The following HAPLN1 variants were observed in gnomAD, a reference collection of about 807,000 sequenced individuals.
HAPLN1 encodes the protein Cartilage link protein.
Under a neutral mutation model 36.5 loss-of-function variants are expected in HAPLN1, and 13 were observed. The observed-to-expected ratio is 0.36, with a 90% CI of 0.23 to 0.57. The LOEUF is 0.57. Among genes scored for constraint, HAPLN1 ranks in the 20% least tolerant of loss-of-function variants. The pLI is 0.83. For synonymous variants in HAPLN1, 202 were observed against 169.8 expected, an observed-to-expected ratio of 1.19 and a Z score of -1.48; for missense variants, 407 against 439.7, an observed-to-expected ratio of 0.93 and a Z score of 0.66.
intron 4 of HAPLN1, 44 bp downstream of exon 4, chr5:83,644,319 T>C (rs1442191117): frequency 1.5e-6 from 2 of 1,374,308 alleles, no homozygotes; most frequent in East Asian, 2.6e-5. Flanking sequence ...TAGTATGGAA[T>C]AGTCTGTGAG....
At chr5:83,641,851 G>C in intron 4 of HAPLN1, 66 bp from the exon 5 acceptor site, 1 of 1,489,514 alleles carries the variant, frequency 6.7e-7, no homozygotes, top group Non-Finnish European at 9.1e-7. Context: ...GATAGAAAGA[G>C]CCAAAAACGG....
intron 1 of HAPLN1, among the ~76,000 whole-genome samples, chr5:83,700,068 C>T (rs1256338682): frequency 2.6e-5 from 4 of 151,908 alleles, no homozygotes; most frequent in Admixed American, 2.0e-4. Flanking sequence ...GTGGCTCATG[C>T]CTGTAGTCCC....
intron 1 of HAPLN1, among the ~76,000 whole-genome samples, chr5:83,688,938 G>A (rs544882864): frequency 1.3e-5 from 2 of 152,180 alleles, no homozygotes; most frequent in African/African-American, 2.4e-5. Context: ...TATTTGATGA[G>A]GCTGAGCAGA....
chr5:83,679,639 G>A (rs965165470), intron 1 of HAPLN1, among the ~76,000 whole-genome samples: 5 of 152,154 alleles, frequency 3.3e-5, no homozygotes, highest in African/African-American at 1.2e-4. Flanking sequence ...CAGGCACAGA[G>A]TAAGCAGGAT....
At chr5:83,645,214 T>C (rs1749820985) in intron 3 of HAPLN1, among the ~76,000 whole-genome samples, 1 of 152,228 alleles carries the variant, frequency 6.6e-6, no homozygotes, top group South Asian at 2.1e-4. Flanking sequence ...ATGTAGTCTT[T>C]TAAATGTATA....
At position 83,700,440 on chromosome 5, in the gene HAPLN1, A is replaced by G. The variant is rs542098629; in HGVS notation, c.-27+20349T>C. ...TAGAATATTATTATGCAGAAGTCACATACTGTTCACCTCTCATCCTCACCA... is the reference window on the plus strand; with the variant it reads ...TAGAATATTATTATGCAGAAGTCACGTACTGTTCACCTCTCATCCTCACCA... On this transcript the variant is annotated intron_variant, in intron 1 of 4. Transcript: ENST00000274341. Among the ~76,000 whole-genome samples, 6 of 152,262 alleles carry G rather than the reference A, an allele frequency of 3.9e-5. No individual in the cohort carries two copies. The South Asian group carries it at 1.2e-3, about 32-fold the overall frequency.
chr5:83,642,044 C>T (rs1749718455), intron 4 of HAPLN1, among the ~76,000 whole-genome samples: 1 of 152,138 alleles, frequency 6.6e-6, no homozygotes, highest in Non-Finnish European at 1.5e-5. Flanking sequence ...ATGGCAGATG[C>T]AGTTTCTGTT....
intron 2 of HAPLN1, among the ~76,000 whole-genome samples, chr5:83,669,652 A>G (rs1750649093): frequency 6.6e-6 from 1 of 152,226 alleles, no homozygotes; most frequent in Non-Finnish European, 1.5e-5. Flanking sequence ...TACTTTGAAA[A>G]GCATGAATTT....
chr5:83,683,581 A>G (rs1446772801), intron 1 of HAPLN1, among the ~76,000 whole-genome samples: 1 of 152,118 alleles, frequency 6.6e-6, no homozygotes, highest in African/African-American at 2.4e-5. Flanking sequence ...AATCTCTTAT[A>G]CCTCGTTAAC....
At chr5:83,648,790 A>C (rs1406983041) in intron 3 of HAPLN1, among the ~76,000 whole-genome samples, 4 of 152,058 alleles carry the variant, frequency 2.6e-5, no homozygotes, top group Non-Finnish European at 5.9e-5. Context: ...TTGATAATGA[A>C]AAAGGTTAAA....
intron 2 of HAPLN1, among the ~76,000 whole-genome samples, chr5:83,665,670 T>G (rs1750531663): frequency 6.6e-6 from 1 of 152,234 alleles, no homozygotes; most frequent in South Asian, 2.1e-4. Flanking sequence ...TTATACATGA[T>G]GGATTATGGC....
At chr5:83,662,168 G>A (rs181559337) in intron 2 of HAPLN1, among the ~76,000 whole-genome samples, 2 of 152,282 alleles carry the variant, frequency 1.3e-5, no homozygotes, top group Admixed American at 1.3e-4. Flanking sequence ...CTCCCAAAGT[G>A]CTGGGATTAC....
intron 1 of HAPLN1, among the ~76,000 whole-genome samples, chr5:83,678,657 A>G (rs567250745): frequency 1.3e-5 from 2 of 152,268 alleles, no homozygotes; most frequent in East Asian, 1.9e-4. Context: ...TTATGGGCTC[A>G]ATTATCGATG....
At chr5:83,700,627 CTCAAACTCTCCTT>C (rs1237225967) in intron 1 of HAPLN1, among the ~76,000 whole-genome samples, 2 of 150,242 alleles carry the variant, frequency 1.3e-5, no homozygotes, top group Non-Finnish European at 3.0e-5. Flanking sequence ...ATGTTTATGT[CTCAAACTCTCCTT>C]TCAAACTTTT....
At position 83,644,540 on chromosome 5, in the gene HAPLN1, C is replaced by T. The variant is rs781545566; in HGVS notation, c.598G>A (p.Gly200Ser). The change falls in exon 4 of 5, where the codon GGC becomes AGC. Residue 200 changes from glycine to serine, a missense_variant. Coordinates refer to ENST00000274341, the MANE Select transcript of HAPLN1 (RefSeq NM_001884.4). ...SFDQLYDAWR[G>S]GLDWCNAGWL... ...CCGGCATTGCACCAGTCCAGCCCGC[C>T]CCGCCAGGCGTCGTACAGCTGGTCG... is the stretch of plus-strand genomic sequence containing the variant. The T allele has an allele frequency of 6.2e-7, 1 of 1,609,786 alleles. No homozygotes were observed. Among genetic ancestry groups the T allele is most frequent in the Non-Finnish European group, 8.5e-7 (1 of 1,178,056 alleles).
In HAPLN1 at chr5:83,705,420, A is replaced by G. The variant is rs115745053; in HGVS notation, c.-27+15369T>C. 5.6e-3 allele frequency among the ~76,000 whole-genome samples: 843 copies of G among 151,808 alleles called. 9 individuals are homozygous for G. The highest frequency in any genetic ancestry group is 0.019 in the African/African-American group (802 of 41,376). On this transcript the variant is annotated intron_variant, in intron 1 of 4. Transcript: ENST00000274341. ...AAAAAAAAAAAAAAAGAAAGAAAGA[A>G]AATTGCTCAAAACCACGGAATTACA...
At chr5:83,672,516 C>T (rs547697769) in intron 2 of HAPLN1, among the ~76,000 whole-genome samples, 13 of 152,156 alleles carry the variant, frequency 8.5e-5, no homozygotes, top group Non-Finnish European at 1.5e-4. Flanking sequence ...AGTCATAATA[C>T]GTACAGGAAA....
At chr5:83,702,072 G>A (rs1188814949) in intron 1 of HAPLN1, among the ~76,000 whole-genome samples, 1 of 152,166 alleles carries the variant, frequency 6.6e-6, no homozygotes, top group African/African-American at 2.4e-5. Flanking sequence ...AGTGTTACAT[G>A]AATGATGCAA....
At chr5:83,685,069 A>G (rs944725097) in intron 1 of HAPLN1, among the ~76,000 whole-genome samples, 1 of 152,222 alleles carries the variant, frequency 6.6e-6, no homozygotes, top group African/African-American at 2.4e-5. Context: ...TTATAAATTC[A>G]GTGATCAGTG....
Sources: gnomAD v4.1 joint callset for allele counts (sites outside exome capture counted in the v4.1 genomes callset) on GRCh38, gnomAD v4.1.1 for gene constraint, MANE v1.5 for transcripts, NCBI Gene and HGNC (gene_info 2026-07-23, HGNC 2026-07-21) for gene names.